The following SLC25A47 variants were observed in gnomAD, a reference collection of about 807,000 sequenced individuals.
SLC25A47 encodes the protein solute carrier family 25 member 47.
In SLC25A47, 30 loss-of-function variants were observed where a neutral mutation model predicts 29.8. That is an observed-to-expected ratio of 1.01 (90% CI 0.75 to 1.36). The LOEUF (loss-of-function observed/expected upper bound fraction) is 1.36, where lower values mean the gene tolerates loss of function less well. SLC25A47 is among the 40% of genes most tolerant of loss of function. The pLI, the probability that SLC25A47 is intolerant of heterozygous loss-of-function variation, is 0.00. For missense variants in SLC25A47, 430 were observed against 441.9 expected (o/e 0.97, Z 0.24); for synonymous variants, 204 against 197.8 (o/e 1.03, Z -0.26).
chr14:100,323,496 G>A, intron 1 of SLC25A47, 54 bp downstream of exon 1: 1 of 1,601,214 alleles, frequency 6.2e-7, no homozygotes, highest in Non-Finnish European at 8.6e-7. Flanking sequence ...GGGGTAGCAG[G>A]AGGAACTGAG....
Position 100,327,367 on chromosome 14 carries a change from C to G in SLC25A47, c.324C>G (p.Val108=), listed in dbSNP as rs774973853. Residue 108 remains valine, a synonymous_variant, in exon 4 of 6, where the codon GTC becomes GTG. Transcript: ENST00000361529. ...ITLSGCASGL[V]RVFLTSPTEV... is the part of the protein sequence containing the mutation. ...TCTCGGGATGCGCCTCCGGCCTCGT[C>G]CGCGTGAGTAGGGGCAGCCAGGGTG... The G allele has an allele frequency of 1.3e-6, 2 of 1,592,158 alleles. No individual in the cohort carries two copies. Among genetic ancestry groups the G allele is most frequent in the Non-Finnish European group, 1.7e-6 (2 of 1,175,390 alleles).
chr14:100,329,533 G>A lies in SLC25A47; in HGVS notation c.815G>A (p.Arg272Gln), dbSNP rs756418070. ...MVTSVREEGP[R>Q]VLFKGLVLNC... ...ACCAGCGTTCGAGAGGAGGGACCCC[G>A]GGTCCTTTTCAAGGGGCTGGTACTC... is the stretch of plus-strand genomic sequence containing the variant. Residue 272 changes from arginine to glutamine, a missense_variant, in exon 6 of 6, where the codon CGG becomes CAG. By Grantham distance (43) the Arg-to-Gln change is conservative (BLOSUM62 1). Transcript: ENST00000361529. 9 of 1,613,432 alleles carry A rather than the reference G, an allele frequency of 5.6e-6. No homozygotes were observed. The highest frequency in any genetic ancestry group is 6.8e-6 in the Non-Finnish European group (8 of 1,180,014).
Position 100,327,335 on chromosome 14 carries a change from A to G in SLC25A47, c.292A>G (p.Ile98Val). Residue 98 changes from isoleucine to valine, a missense_variant, in exon 4 of 6, where the codon ATC becomes GTC. Physicochemically the swap from Ile to Val is conservative, Grantham distance 29 (BLOSUM62 3). Transcript: ENST00000361529. ...NPDAKPTKAD[I>V]TLSGCASGLV... The stretch of plus-strand genomic sequence containing the variant: ...TGACGCCAAGCCCACCAAGGCCGAC[A>G]TCACGCTCTCGGGATGCGCCTCCGG... 2 of 1,601,414 alleles carry G rather than the reference A, an allele frequency of 1.2e-6. No individual in the cohort carries two copies. Among genetic ancestry groups the G allele is most frequent in the South Asian group, 2.2e-5 (2 of 90,998 alleles).
At chr14:100,326,043 C>A in intron 2 of SLC25A47, 114 bp from the exon 3 acceptor site, 1 of 1,031,802 alleles carries the variant, frequency 9.7e-7, no homozygotes, top group Non-Finnish European at 1.4e-6. Flanking sequence ...CCTGCTGTGC[C>A]ACCGTCCAGC....
chr14:100,325,591 G>A (rs1238418213), intron 1 of SLC25A47, among the ~76,000 whole-genome samples, 197 bp from the exon 2 acceptor site: 2 of 152,210 alleles, frequency 1.3e-5, no homozygotes, highest in African/African-American at 2.4e-5. Flanking sequence ...GAAGACACTC[G>A]GAGGCTCAAT....
chr14:100,327,206 G>C lies in SLC25A47; in HGVS notation c.163G>C (p.Gly55Arg). ...CTGCTAGGTGTGGGGCTTCTACCGG[G>C]GCCTCTCGCTGCCCGTGTGCACGGT... ...HRERVWGFYR[G>R]LSLPVCTVSL... Residue 55 changes from glycine to arginine, a missense_variant, in exon 4 of 6, where the codon GGC (glycine) becomes CGC (arginine). Transcript: ENST00000361529. The C allele has an allele frequency of 6.2e-7, 1 of 1,608,012 alleles. No individual in the cohort carries two copies. Among genetic ancestry groups the C allele is most frequent in the Non-Finnish European group, 8.5e-7 (1 of 1,178,492 alleles).
In SLC25A47 at chr14:100,328,954, G is replaced by A. The variant is rs1893394210; in HGVS notation, c.556G>A (p.Val186Ile). 2 of 1,604,096 alleles carry A rather than the reference G, an allele frequency of 1.2e-6. No individual in the cohort carries two copies. The highest frequency in any genetic ancestry group is 1.1e-5 in the South Asian group (1 of 91,092). ...CGLYKGSSAL[V>I]LRDGHSFATY... ...CCTCTACAAGGGCAGCTCGGCCCTGGTCTTACGGGACGGCCACTCCTTTGC... is the reference window on the plus strand; with the variant it reads ...CCTCTACAAGGGCAGCTCGGCCCTGATCTTACGGGACGGCCACTCCTTTGC... The change falls in exon 5 of 6, where the codon GTC (valine) becomes ATC (isoleucine). Residue 186 changes from valine (V) to isoleucine (I), a missense_variant. Val to Ile is a conservative substitution (Grantham distance 29). Transcript: ENST00000361529.
rs191328268 is a variant in SLC25A47 at position 100,325,479 on chromosome 14, T to C, written c.29-309T>C. 1.8e-3 allele frequency among the ~76,000 whole-genome samples: 272 copies of C among 152,148 alleles called. 2 individuals are homozygous for C. The highest frequency in any genetic ancestry group is 9.5e-3 in the South Asian group (46 of 4,818). ...ACGTTCTCTCAGAGCATGACGCCCGTGGGGAGGCCGGGGCATGTCGGCATG... is the reference window on the plus strand; with the variant it reads ...ACGTTCTCTCAGAGCATGACGCCCGCGGGGAGGCCGGGGCATGTCGGCATG... On this transcript the variant is annotated intron_variant, in intron 1 of 5. Transcript: ENST00000361529.
chr14:100,323,456 T>G lies in SLC25A47; in HGVS notation c.28+14T>G, dbSNP rs773558200. 6.2e-7 allele frequency: 1 copy of G among 1,613,414 alleles called. No individual in the cohort carries two copies. On this transcript the variant is annotated intron_variant, in intron 1 of 5. Coordinates refer to ENST00000361529, the MANE Select transcript of SLC25A47 (RefSeq NM_207117.4). ...GAGCCATCGGAGGTAACAGACAGGA[T>G]GGTGGGCTGTGCAGACACTGCTGCT...
intron 1 of SLC25A47, among the ~76,000 whole-genome samples, chr14:100,323,674 G>A (rs1893288189): frequency 6.6e-6 from 1 of 152,154 alleles, no homozygotes; most frequent in South Asian, 2.1e-4. Flanking sequence ...GCTGAGGGCA[G>A]GCTGGGGATG....
intron 4 of SLC25A47, 25 bp downstream of exon 4, chr14:100,327,395 G>T: frequency 6.4e-7 from 1 of 1,573,172 alleles, no homozygotes; most frequent in Non-Finnish European, 8.6e-7. Context: ...CCAGGGTGGG[G>T]AAGGCCCAAG....
intron 5 of SLC25A47, 85 bp downstream of exon 5, chr14:100,329,129 G>A (rs932452149): frequency 4.8e-6 from 7 of 1,460,142 alleles, no homozygotes; most frequent in African/African-American, 1.4e-5. Context: ...GCCAGTACCC[G>A]AGTGGGGGCT....
intron 2 of SLC25A47, 21 bp downstream of exon 2, chr14:100,325,852 C>T (rs758490935): frequency 1.2e-6 from 2 of 1,608,914 alleles, no homozygotes; most frequent in Admixed American, 1.7e-5. Context: ...AGCCAGCCCC[C>T]CAACCATCCT....
intron 4 of SLC25A47, 41 bp downstream of exon 4, chr14:100,327,411 C>A: frequency 6.5e-7 from 1 of 1,543,172 alleles, no homozygotes; most frequent in South Asian, 1.2e-5. Flanking sequence ...CCAAGAGAGA[C>A]TGCGGGGTCT....
Position 100,328,974 on chromosome 14 carries a change from C to G in SLC25A47, c.576C>G (p.Ser192=). The change falls in exon 5 of 6, where the codon TCC becomes TCG. Residue 192 remains serine, a synonymous_variant. Transcript: ENST00000361529. ...CCCTGGTCTTACGGGACGGCCACTC[C>G]TTTGCCACCTACTTCCTTTCCTACG... ...SSALVLRDGH[S]FATYFLSYAV... is the part of the protein sequence containing the mutation. 5.6e-6 allele frequency: 9 copies of G among 1,602,176 alleles called. No individual in the cohort carries two copies. Among genetic ancestry groups the G allele is most frequent in the Non-Finnish European group, 7.6e-6 (9 of 1,179,852 alleles).
At chr14:100,329,082 A>G (rs1204427836) in intron 5 of SLC25A47, 38 bp downstream of exon 5, 14 of 1,587,112 alleles carry the variant, frequency 8.8e-6, no homozygotes, top group Admixed American at 5.3e-5. Flanking sequence ...CGGGGAGCCC[A>G]GAAGGATGAG....
chr14:100,323,929 G>T (rs1893293484), intron 1 of SLC25A47, among the ~76,000 whole-genome samples: 1 of 152,174 alleles, frequency 6.6e-6, no homozygotes, highest in African/African-American at 2.4e-5. Flanking sequence ...TGTGCACCTG[G>T]CTAGGCCTCC....
At chr14:100,325,362 C>T (rs532893085) in intron 1 of SLC25A47, among the ~76,000 whole-genome samples, 6 of 152,326 alleles carry the variant, frequency 3.9e-5, no homozygotes, top group East Asian at 1.9e-4. Flanking sequence ...ACACAGTTAC[C>T]GCCTGGCTCA....
intron 1 of SLC25A47, among the ~76,000 whole-genome samples, chr14:100,324,633 T>C (rs1893305734): frequency 6.6e-6 from 1 of 152,168 alleles, no homozygotes; most frequent in Non-Finnish European, 1.5e-5. Flanking sequence ...TGGAAAGGGC[T>C]CCTGAGTCTG....
Sources: allele counts gnomAD v4.1 joint callset (sites outside exome capture counted in the v4.1 genomes callset), GRCh38; gene constraint gnomAD v4.1.1; transcripts MANE v1.5; gene names NCBI Gene and HGNC (gene_info 2026-07-23, HGNC 2026-07-21).